USP34: variants seen among roughly 807,000 people sequenced by gnomAD.
The protein encoded by USP34 is ubiquitin specific peptidase 34, also known as ubiquitin carboxyl-terminal hydrolase 34.
A neutral mutation model predicts 460.3 loss-of-function variants in USP34; 70 were observed. The observed-to-expected ratio is 0.15, with a 90% CI of 0.13 to 0.19. The LOEUF (loss-of-function observed/expected upper bound fraction) is 0.19. Ranked by LOEUF, USP34 falls within the 10% of genes least tolerant of loss-of-function variation. The probability of loss-of-function intolerance (pLI) is 1.00; values close to 1 mark genes in which losing one functional copy is unlikely to be tolerated. For missense variants in USP34, 3,985 were observed against 4,236.2 expected (o/e 0.94, Z 1.65); for synonymous variants, 1,647 against 1,405.3 (o/e 1.17, Z -3.85).
rs1305564076 is a variant in USP34 at position 61,451,663 on chromosome 2, CAA to C, written c.43+18985_43+18986del. ...TGCCATTGCACTCCAACCTGGGCAA[CAA>C]GAGCGAAACCCCGCCTCAAAAAAAA... On this transcript the variant is annotated intron_variant, in intron 1 of 79. Coordinates refer to ENST00000398571, the MANE Select transcript of USP34 (RefSeq NM_014709.4). Among the ~76,000 whole-genome samples, 6 of 149,266 alleles carry C rather than the reference CAA, an allele frequency of 4.0e-5. No individual in the cohort carries two copies. The East Asian group carries it at 5.9e-4, about 15-fold the overall frequency.
rs1691680989 is a variant in USP34 at position 61,343,893 on chromosome 2, A to C, written c.2422T>G (p.Ser808Ala). Reference sequence around the variant, plus strand: ...AGGTGAGATGTCAGTTCCGCATGTGAATTAATCTGAACTAGCTCCTCTTCA... The same window carrying C: ...AGGTGAGATGTCAGTTCCGCATGTGCATTAATCTGAACTAGCTCCTCTTCA... ...GCEEELVQIN[S>A]HAELTSHLQQ... The change falls in exon 16 of 80, where the codon TCA (serine) becomes GCA (alanine). Residue 808 changes from serine (S) to alanine (A), a missense_variant. Coordinates refer to ENST00000398571, the MANE Select transcript of USP34 (RefSeq NM_014709.4). 6.2e-7 allele frequency: 1 copy of C among 1,614,002 alleles called. No individual in the cohort carries two copies. The highest frequency in any genetic ancestry group is 1.7e-5 in the Admixed American group (1 of 60,014).
At chr2:61,376,938 T>G (rs1024926220) in intron 8 of USP34, among the ~76,000 whole-genome samples, 1 of 152,192 alleles carries the variant, frequency 6.6e-6, no homozygotes, top group Admixed American at 6.5e-5. Context: ...CCACTGTGCC[T>G]GGCACAGAGC....
intron 1 of USP34, among the ~76,000 whole-genome samples, chr2:61,430,674 T>C (rs1694644490): frequency 6.6e-6 from 1 of 152,224 alleles, no homozygotes; most frequent in African/African-American, 2.4e-5. Flanking sequence ...ATAGGTCTCA[T>C]GTGAATCTTG....
At chr2:61,468,849 C>A (rs1573077576) in intron 1 of USP34, among the ~76,000 whole-genome samples, 1 of 152,316 alleles carries the variant, frequency 6.6e-6, no homozygotes, top group Admixed American at 6.5e-5. Context: ...GATGCCACCT[C>A]TTTTCAAAAG....
Position 61,348,441 on chromosome 2 carries a change from C to A in USP34, c.1714G>T (p.Gly572Cys). 6.2e-7 allele frequency: 1 copy of A among 1,613,442 alleles called. No homozygotes were observed. Among genetic ancestry groups the A allele is most frequent in the South Asian group, 1.1e-5 (1 of 91,084 alleles). ...QGSSDETANS[G>C]EDGSSGPGSS... The stretch of plus-strand genomic sequence containing the variant: ...CCAGGACCACTGCTTCCATCTTCAC[C>A]ACTGTTGGCAGTTTCGTCAGAACTT... Residue 572 changes from glycine to cysteine, a missense_variant, in exon 15 of 80, where the codon GGT (glycine) becomes TGT (cysteine). Gly to Cys is a radical substitution (Grantham distance 159, BLOSUM62 -3). Transcript: ENST00000398571.
intron 5 of USP34, among the ~76,000 whole-genome samples, chr2:61,388,424 T>C (rs1027640819): frequency 4.9e-5 from 7 of 142,248 alleles, no homozygotes; most frequent in Admixed American, 4.4e-4. Flanking sequence ...AAAATATGCA[T>C]ACTCGAGGGG....
In USP34 at chr2:61,204,275, G is replaced by C; in HGVS notation, c.9365C>G (p.Thr3122Arg). The change falls in exon 74 of 80, where the codon ACA becomes AGA. Residue 3122 changes from threonine to arginine, a missense_variant. By Grantham distance (71) the Thr-to-Arg change is moderately conservative. This residue lies in a region of USP34 where 275 missense variants were observed against 292.7 expected (regional missense o/e 0.94). Transcript: ENST00000398571. ...RPELNMCLLP[T>R]MVETSKGKDD... ...ACATACCTTACTGGTTTCCACCATTGTGGGCAAGAGGCACATATTGAGTTC... is the reference window on the plus strand; with the variant it reads ...ACATACCTTACTGGTTTCCACCATTCTGGGCAAGAGGCACATATTGAGTTC... 2 of 1,614,148 alleles carry C rather than the reference G, an allele frequency of 1.2e-6. No homozygotes were observed. Among genetic ancestry groups the C allele is most frequent in the Non-Finnish European group, 1.7e-6 (2 of 1,180,036 alleles).
At chr2:61,347,157 G>GTTTC (rs1691796419) in intron 15 of USP34, among the ~76,000 whole-genome samples, 1 of 151,782 alleles carries the variant, frequency 6.6e-6, no homozygotes, top group African/African-American at 2.4e-5. Flanking sequence ...AAAAGAAGAA[G>GTTTC]AAAACAAATA....
chr2:61,334,963 G>T (rs1418423814), intron 18 of USP34, among the ~76,000 whole-genome samples: 2 of 152,094 alleles, frequency 1.3e-5, no homozygotes, highest in African/African-American at 4.8e-5. Flanking sequence ...CCATTTAAAA[G>T]AATCAAATTC....
intron 10 of USP34, among the ~76,000 whole-genome samples, chr2:61,363,202 G>C (rs1055915370): frequency 6.6e-6 from 1 of 152,048 alleles, no homozygotes; most frequent in African/African-American, 2.4e-5. Flanking sequence ...TTTCAAAATG[G>C]AAGTAACAAG....
chr2:61,248,698 A>T lies in USP34; in HGVS notation c.6222-15T>A. 6.5e-7 allele frequency: 1 copy of T among 1,533,678 alleles called. No homozygotes were observed. Among genetic ancestry groups the T allele is most frequent in the Non-Finnish European group, 8.8e-7 (1 of 1,136,800 alleles). On this transcript the variant is annotated splice_polypyrimidine_tract_variant and intron_variant, in intron 48 of 79. Transcript: ENST00000398571. The stretch of plus-strand genomic sequence containing the variant: ...TAAAACATGCCCTGAGAGACAAGAA[A>T]AAAATTAATAAAGATTATTTTTTAC...
At position 61,463,304 on chromosome 2, in the gene USP34, G is replaced by A. The variant is rs114844864; in HGVS notation, c.43+7346C>T. 4.8e-3 allele frequency among the ~76,000 whole-genome samples: 732 copies of A among 151,912 alleles called. 6 individuals carry two copies. The highest frequency in any genetic ancestry group is 0.017 in the African/African-American group (695 of 41,424). Reference sequence around the variant, plus strand: ...AATTGGGCCACTGCACCCCAGCATGGGTGATACACTGTCTCTTAAAAAATA... The same window carrying A: ...AATTGGGCCACTGCACCCCAGCATGAGTGATACACTGTCTCTTAAAAAATA... On this transcript the variant is annotated intron_variant, in intron 1 of 79. Transcript: ENST00000398571.
rs149915750 is a variant in USP34 at position 61,275,988 on chromosome 2, T to A, written c.5433+2177A>T. Among the ~76,000 whole-genome samples the A allele has an allele frequency of 8.5e-5, 13 of 152,262 alleles. No homozygotes were observed. In the East Asian group the frequency reaches 2.5e-3, roughly 29 times the overall value. ...ATGCAGCAAATATGATATAAAGAGC[T>A]GACATATTCAAAATAAATAACTTTT... is the stretch of plus-strand genomic sequence containing the variant. On this transcript the variant is annotated intron_variant, in intron 41 of 79. Transcript: ENST00000398571.
At chr2:61,317,615 G>T in intron 23 of USP34, 39 bp downstream of exon 23, 1 of 1,509,364 alleles carries the variant, frequency 6.6e-7, no homozygotes, top group Non-Finnish European at 9.1e-7. Flanking sequence ...TCTAATTTGA[G>T]GAATAAAGTT....
At chr2:61,229,761 G>A in intron 58 of USP34, 128 bp from the exon 59 acceptor site, 2 of 733,170 alleles carry the variant, frequency 2.7e-6, no homozygotes, top group South Asian at 4.0e-5. Context: ...GTATTCTGGA[G>A]CTCTTCTGGA....
intron 1 of USP34, among the ~76,000 whole-genome samples, chr2:61,429,889 C>T (rs572007245): frequency 1.2e-4 from 19 of 152,076 alleles, no homozygotes; most frequent in African/African-American, 2.9e-4. Context: ...TGGTGACACC[C>T]TGTCTCCACT....
At chr2:61,360,255 A>G (rs1245537885) in intron 10 of USP34, among the ~76,000 whole-genome samples, 1 of 152,164 alleles carries the variant, frequency 6.6e-6, no homozygotes, top group East Asian at 1.9e-4. Flanking sequence ...GGAAAGAAAA[A>G]TTATCTTTTT....
chr2:61,229,572 T>C lies in USP34; in HGVS notation c.7175A>G (p.Tyr2392Cys). Residue 2392 changes from tyrosine (Y) to cysteine (C), a missense_variant, in exon 59 of 80, where the codon TAT becomes TGT. This residue lies in a region of USP34 where 604 missense variants were observed against 684.8 expected (regional missense o/e 0.88). Transcript: ENST00000398571. ...CCCATCTTCCATTCCTGGCTGCAAA[T>C]AGAGATGAGCATGCACAGGTCTCAG... The part of the protein sequence containing the change: ...QRLRPVHAHL[Y>C]LQPGMEDGSD... 1.9e-6 allele frequency: 3 copies of C among 1,602,906 alleles called. No homozygotes were observed. The highest frequency in any genetic ancestry group is 1.7e-4 in the Middle Eastern group (1 of 6,004).
At chr2:61,275,973 T>C (rs1167935583) in intron 41 of USP34, among the ~76,000 whole-genome samples, 1 of 152,010 alleles carries the variant, frequency 6.6e-6, no homozygotes, top group Non-Finnish European at 1.5e-5. Flanking sequence ...ATGCAGCAAA[T>C]ATGATATAAA....
Sources: gnomAD v4.1 joint callset for allele counts (sites outside exome capture counted in the v4.1 genomes callset) on GRCh38, gnomAD v4.1.1 for gene constraint, gnomAD v4.1.1 regional missense constraint, MANE v1.5 for transcripts, NCBI Gene and HGNC (gene_info 2026-07-23, HGNC 2026-07-21) for gene names.